Variants in PLCG2 observed in about 807,000 individuals in gnomAD.
The protein encoded by PLCG2 is 1-phosphatidylinositol 4,5-bisphosphate phosphodiesterase gamma-2.
In PLCG2, 69 loss-of-function variants were observed where a neutral mutation model predicts 175.6. The observed-to-expected ratio is 0.39, with a 90% confidence interval of 0.32 to 0.48. The LOEUF (loss-of-function observed/expected upper bound fraction) is 0.48, where lower values mean the gene tolerates loss of function less well. Ranked by LOEUF, PLCG2 falls within the 20% of genes least tolerant of loss-of-function variation. PLCG2 has a pLI of 0.91. For missense variants in PLCG2, 1,798 were observed against 1,650.9 expected (o/e 1.09, Z -1.54); for synonymous variants, 827 against 624.0 (o/e 1.33, Z -4.85).
At chr16:81,901,570 C>T (rs1178993046) in intron 14 of PLCG2, among the ~76,000 whole-genome samples, 2 of 152,134 alleles carry the variant, frequency 1.3e-5, no homozygotes, top group Non-Finnish European at 2.9e-5. Context: ...ATCAGAGGGG[C>T]ACGTGAACTT....
chr16:81,865,320 C>A (rs1268056054), intron 5 of PLCG2, among the ~76,000 whole-genome samples: 10 of 152,092 alleles, frequency 6.6e-5, no homozygotes, highest in Non-Finnish European at 1.5e-4. Flanking sequence ...GCTCAGCCTG[C>A]CTGTGCTGGT....
chr16:81,747,223 A>C (rs1349668541), intron 1 of PLCG2, among the ~76,000 whole-genome samples: 1 of 152,186 alleles, frequency 6.6e-6, no homozygotes, highest in Non-Finnish European at 1.5e-5. Context: ...CAAGATTTTC[A>C]AAATGACAAA....
intron 19 of PLCG2, among the ~76,000 whole-genome samples, chr16:81,918,050 ATTTTC>A (rs1680030591): frequency 1.3e-5 from 2 of 151,990 alleles, no homozygotes; most frequent in South Asian, 4.1e-4. Flanking sequence ...TGGGTCATTT[ATTTTC>A]TTACTATTGA....
At chr16:81,741,674 G>A (rs1909597610) in intron 1 of PLCG2, among the ~76,000 whole-genome samples, 2 of 152,160 alleles carry the variant, frequency 1.3e-5, no homozygotes, top group Admixed American at 1.3e-4. Context: ...ACTTGGTGTG[G>A]TGGTGCAAGC....
At chr16:81,919,095 T>G (rs897758344) in intron 19 of PLCG2, among the ~76,000 whole-genome samples, 1 of 152,146 alleles carries the variant, frequency 6.6e-6, no homozygotes, top group Non-Finnish European at 1.5e-5. Context: ...TCCCAGACAA[T>G]GTATAAACAA....
At chr16:81,763,102 T>C (rs1398798085) in intron 2 of PLCG2, among the ~76,000 whole-genome samples, 1 of 152,088 alleles carries the variant, frequency 6.6e-6, no homozygotes, top group Non-Finnish European at 1.5e-5. Flanking sequence ...ATACAAAAGA[T>C]AAAAATACTT....
intron 7 of PLCG2, among the ~76,000 whole-genome samples, chr16:81,871,711 A>G: frequency 6.6e-6 from 1 of 152,280 alleles, no homozygotes. Flanking sequence ...TTAAAAATTA[A>G]GAGGGTGTAT....
At chr16:81,804,065 C>G (rs1205118863) in intron 2 of PLCG2, among the ~76,000 whole-genome samples, 1 of 152,184 alleles carries the variant, frequency 6.6e-6, no homozygotes, top group Admixed American at 6.5e-5. Flanking sequence ...TCTCTTGGCT[C>G]TTTGCCTAAG....
chr16:81,911,718 C>G (rs1334347750), intron 18 of PLCG2, among the ~76,000 whole-genome samples: 2 of 149,210 alleles, frequency 1.3e-5, no homozygotes, highest in African/African-American at 4.9e-5. Context: ...TCAAGAGATT[C>G]TTGTGCCTCA....
At chr16:81,816,651 A>ACT (rs1555509092) in intron 2 of PLCG2, among the ~76,000 whole-genome samples, 2,361 of 108,826 alleles carry the variant, frequency 0.022, 797 homozygotes, top group East Asian at 0.05. Flanking sequence ...GCTAATTTTA[A>ACT]TTTTTTTTTT....
At chr16:81,849,973 C>G (rs1906324633) in intron 2 of PLCG2, among the ~76,000 whole-genome samples, 1 of 152,140 alleles carries the variant, frequency 6.6e-6, no homozygotes, top group Admixed American at 6.5e-5. Flanking sequence ...TAGATAATTG[C>G]TAAAGCAGTT....
intron 31 of PLCG2, among the ~76,000 whole-genome samples, chr16:81,952,599 T>A (rs1911411255): frequency 6.6e-6 from 1 of 152,186 alleles, no homozygotes; most frequent in African/African-American, 2.4e-5. Flanking sequence ...TGGCCACAGC[T>A]GGAACCATTT....
At chr16:81,939,308 C>T (rs886421937) in intron 29 of PLCG2, among the ~76,000 whole-genome samples, 1 of 152,114 alleles carries the variant, frequency 6.6e-6, no homozygotes, top group Non-Finnish European at 1.5e-5. Context: ...GATCTTAGCC[C>T]CTAGAGGGCA....
At position 81,905,451 on chromosome 16, in the gene PLCG2, A is replaced by C. The variant is rs1250133694; in HGVS notation, c.1411A>C (p.Lys471Gln). ...RGDVDVNMED[K>Q]KDEHKQQGEL... ...CGATGTGGATGTCAACATGGAGGAC[A>C]AGAAGGACGAACACAAGCAACAGGG... Residue 471 changes from lysine to glutamine, a missense_variant, in exon 15 of 33, where the codon AAG (lysine) becomes CAG (glutamine). By Grantham distance (53) the Lys-to-Gln change is moderately conservative. Coordinates refer to ENST00000564138, the MANE Select transcript of PLCG2 (RefSeq NM_002661.5). The C allele has an allele frequency of 5.0e-6, 8 of 1,614,196 alleles. No homozygotes were observed. The highest frequency in any genetic ancestry group is 1.6e-4 in the Middle Eastern group (1 of 6,062).
chr16:81,761,142 C>G (rs540074438), intron 2 of PLCG2, among the ~76,000 whole-genome samples: 2 of 152,248 alleles, frequency 1.3e-5, no homozygotes, highest in African/African-American at 2.4e-5. Flanking sequence ...AGTGATCCTC[C>G]CACCTTAGCC....
intron 2 of PLCG2, among the ~76,000 whole-genome samples, chr16:81,789,733 G>T (rs971471448): frequency 6.6e-6 from 1 of 151,968 alleles, no homozygotes; most frequent in Non-Finnish European, 1.5e-5. Context: ...AACTAGGCAG[G>T]TTTCACACAT....
chr16:81,815,808 C>T (rs149671160), intron 2 of PLCG2, among the ~76,000 whole-genome samples: 3 of 152,206 alleles, frequency 2.0e-5, no homozygotes, highest in Non-Finnish European at 4.4e-5. Context: ...CGCCTGTAAT[C>T]CCAGCACTTT....
intron 1 of PLCG2, among the ~76,000 whole-genome samples, chr16:81,750,783 T>A (rs372159390): frequency 6.8e-6 from 1 of 146,808 alleles, no homozygotes; most frequent in South Asian, 2.2e-4. Flanking sequence ...TTCTCCTGCC[T>A]CAGCCTCCCG....
chr16:81,810,448 C>T (rs1212943960), intron 2 of PLCG2, among the ~76,000 whole-genome samples: 4 of 152,178 alleles, frequency 2.6e-5, no homozygotes, highest in Non-Finnish European at 5.9e-5. Flanking sequence ...TTATTTGCAA[C>T]CTGCAAACCA....
Sources: allele counts gnomAD v4.1 joint callset (sites outside exome capture counted in the v4.1 genomes callset), GRCh38; gene constraint gnomAD v4.1.1; transcripts MANE v1.5; gene names NCBI Gene and HGNC (gene_info 2026-07-23, HGNC 2026-07-21).